The following PPP1CC variants were observed in gnomAD, a reference collection of about 807,000 sequenced individuals.
PPP1CC encodes protein phosphatase 1 catalytic subunit gamma, also known as serine/threonine-protein phosphatase PP1-gamma catalytic subunit.
Under a neutral mutation model 38.4 loss-of-function variants are expected in PPP1CC, and 16 were observed. That is an observed-to-expected ratio of 0.42 (90% CI 0.28 to 0.63). The LOEUF (loss-of-function observed/expected upper bound fraction) is 0.63, where lower values mean the gene tolerates loss of function less well. Among genes scored for constraint, PPP1CC ranks in the 30% least tolerant of loss-of-function variants. PPP1CC has a pLI of 0.25. For missense variants in PPP1CC, 170 were observed against 391.3 expected, an observed-to-expected ratio of 0.43 and a Z score of 4.77; for synonymous variants, 158 against 136.0, an observed-to-expected ratio of 1.16 and a Z score of -1.13.
At position 110,742,687 on chromosome 12, in the gene PPP1CC, G is replaced by A; in HGVS notation, c.21C>T (p.Leu7=). Residue 7 remains leucine (L), a synonymous_variant, in exon 1 of 7, where the codon CTC becomes CTT. Coordinates refer to ENST00000335007, the MANE Select transcript of PPP1CC (RefSeq NM_002710.4). MADLDK[L]NIDSIIQRLL... is the part of the protein sequence containing the mutation. ...GCCGTTGGATAATGCTGTCGATGTT[G>A]AGTTTATCTAAATCCGCCATCGCCT... is the stretch of plus-strand genomic sequence containing the variant. The A allele has an allele frequency of 6.8e-7, 1 of 1,466,954 alleles. No homozygotes were observed. The highest frequency in any genetic ancestry group is 1.4e-5 in the South Asian group (1 of 70,366). The allele number at this position is 1,466,954 out of a possible 1,614,324, so 90.9% of individuals were successfully genotyped here. A position where few individuals can be genotyped will look rare whatever the true frequency, so the allele number is the denominator to read the frequency against.
chr12:110,716,489 A>T (rs1195449469), downstream of PPP1CC, among the ~76,000 whole-genome samples: 1 of 151,838 alleles, frequency 6.6e-6, no homozygotes, highest in Non-Finnish European at 1.5e-5. Context: ...AGTAGCTGGG[A>T]TTACAGGCAT....
At chr12:110,716,410 T>C (rs1566078722), downstream of PPP1CC, among the ~76,000 whole-genome samples, 3 of 152,002 alleles carry the variant, frequency 2.0e-5, no homozygotes, top group Admixed American at 6.6e-5. Context: ...TGGAGTGCAG[T>C]GGCAGAGTCT....
rs756245215 is a variant in PPP1CC, at chr12:110,731,921, A to G, written c.56-20T>C. 1.2e-6 allele frequency: 2 copies of G among 1,610,046 alleles called. No homozygotes were observed. The highest frequency in any genetic ancestry group is 1.7e-6 in the Non-Finnish European group (2 of 1,177,026). ...CTCTCACTGCAAGAGAAAAATCGCA[A>G]TTAGTCCAATGAAGCCAAAATACAA... On this transcript the variant is annotated intron_variant, in intron 1 of 6. Coordinates refer to ENST00000335007, the MANE Select transcript of PPP1CC (RefSeq NM_002710.4).
chr12:110,724,653 C>A lies in PPP1CC; in HGVS notation c.523+7G>T. ...AACCTATTTGGAACAAAAATCAGCC[C>A]ACCTACCTCCATGACAGCAGAATAT... On this transcript the variant is annotated splice_region_variant and intron_variant, in intron 4 of 6. Coordinates refer to ENST00000335007, the MANE Select transcript of PPP1CC (RefSeq NM_002710.4). The A allele has an allele frequency of 6.3e-7, 1 of 1,580,596 alleles. No individual in the cohort carries two copies. Among genetic ancestry groups the A allele is most frequent in the African/African-American group, 1.3e-5 (1 of 74,322 alleles).
chr12:110,719,139 C>T (rs1323237747), downstream of PPP1CC, among the ~76,000 whole-genome samples: 5 of 152,142 alleles, frequency 3.3e-5, no homozygotes, highest in Admixed American at 3.3e-4. Context: ...TTATCATTCA[C>T]TGTTTTCTTC....
downstream of PPP1CC, among the ~76,000 whole-genome samples, chr12:110,714,805 C>CAAAA (rs1164975036): frequency 0.025 from 541 of 22,018 alleles, 38 homozygotes; most frequent in Middle Eastern, 0.029. Flanking sequence ...GACTCTGTCT[C>CAAAA]AAAAAAAAAA....
chr12:110,737,477 C>CAAAAAAAAAAAAAAAAAAAAAAAAAAAA (rs71083137), intron 1 of PPP1CC, among the ~76,000 whole-genome samples: 16 of 42,488 alleles, frequency 3.8e-4, no homozygotes, highest in Non-Finnish European at 5.5e-4. Flanking sequence ...AAGAAAGACT[C>CAAAAAAAAAAAAAAAAAAAAAAAAAAAA]AAAAAAAAAA....
chr12:110,728,328 G>A (rs1038443387), intron 3 of PPP1CC, among the ~76,000 whole-genome samples: 1 of 151,318 alleles, frequency 6.6e-6, no homozygotes, highest in Non-Finnish European at 1.5e-5. Flanking sequence ...GAACCCAGGA[G>A]GCGGAGCTTG....
At chr12:110,735,999 G>A (rs1028883799) in intron 1 of PPP1CC, among the ~76,000 whole-genome samples, 4 of 152,188 alleles carry the variant, frequency 2.6e-5, no homozygotes, top group Admixed American at 2.6e-4. Context: ...CACGGGGCAG[G>A]TTGCAGTGAG....
chr12:110,737,252 T>C (rs1213987035), intron 1 of PPP1CC, among the ~76,000 whole-genome samples: 1 of 149,216 alleles, frequency 6.7e-6, no homozygotes, highest in Non-Finnish European at 1.5e-5. Context: ...CCAAGGTGGG[T>C]GGATCAGCTG....
the PPP1CC span, among the ~76,000 whole-genome samples, chr12:110,712,514 C>T: frequency 3.0e-4 from 45 of 150,794 alleles, no homozygotes; most frequent in African/African-American, 1.1e-3. Context: ...GTGGTGGGTG[C>T]CTGTAATTCC....
chr12:110,724,635 T>G, intron 4 of PPP1CC, 25 bp downstream of exon 4: 1 of 1,440,158 alleles, frequency 6.9e-7, no homozygotes, highest in Non-Finnish European at 9.8e-7. Context: ...CAAAACCTAT[T>G]TGGAACAAAA....
chr12:110,727,947 T>C (rs141917790), intron 3 of PPP1CC, among the ~76,000 whole-genome samples: 207 of 152,336 alleles, frequency 1.4e-3, no homozygotes, highest in African/African-American at 4.4e-3. Flanking sequence ...CTAAGTCATT[T>C]TTTAAAGGCC....
intron 4 of PPP1CC, among the ~76,000 whole-genome samples, chr12:110,724,368 C>G (rs772662848): frequency 4.6e-5 from 7 of 152,264 alleles, no homozygotes; most frequent in Non-Finnish European, 8.8e-5. Context: ...TGTGACCAGA[C>G]TGGGCAACGT....
chr12:110,732,404 A>AAAAGAAAAGG (rs1174554798), intron 1 of PPP1CC: 1 of 158,238 alleles, frequency 6.3e-6, no homozygotes, highest in Admixed American at 6.5e-5. Flanking sequence ...TCAAAAAAAA[A>AAAAGAAAAGG]AAAGAAAAGG....
Position 110,720,269 on chromosome 12 carries a change from C to T in PPP1CC, c.*807G>A, listed in dbSNP as rs1593570811. On this transcript the variant is annotated 3_prime_UTR_variant, in exon 7 of 7. Coordinates refer to ENST00000335007, the MANE Select transcript of PPP1CC (RefSeq NM_002710.4). ...TGTATAAAATGTTATTACCTTTTAT[C>T]GTTAGTAGCTTAAACAGCACTATAT... 17 of 1,365,154 alleles carry T rather than the reference C, an allele frequency of 1.2e-5. No individual in the cohort carries two copies. Among genetic ancestry groups the T allele is most frequent in the Non-Finnish European group, 1.6e-5 (16 of 995,446 alleles). 84.6% of individuals were successfully genotyped at this position (1,365,154 alleles called of 1,614,324 possible).
chr12:110,719,853 C>A lies in PPP1CC; in HGVS notation c.*1223G>T. 5.5e-6 allele frequency: 2 copies of A among 362,370 alleles called. No individual in the cohort carries two copies. The highest frequency in any genetic ancestry group is 7.2e-5 in the South Asian group (1 of 13,936). 22.4% of individuals were successfully genotyped at this position (362,370 alleles called of 1,614,324 possible). A position where few individuals can be genotyped will look rare whatever the true frequency, so the allele number is the denominator to read the frequency against. On this transcript the variant is annotated 3_prime_UTR_variant, in exon 7 of 7. Coordinates refer to ENST00000335007, the MANE Select transcript of PPP1CC (RefSeq NM_002710.4). ...TATTCAGGAAAATCTATTCAATATG[C>A]CATCAACAGTTCTCCTGTGTGTATT...
At chr12:110,718,410 C>T (rs774266365), downstream of PPP1CC, among the ~76,000 whole-genome samples, 2 of 152,150 alleles carry the variant, frequency 1.3e-5, no homozygotes, top group Non-Finnish European at 2.9e-5. Context: ...TAGTATCACA[C>T]TAATAATTAC....
chr12:110,713,083 A>C, the PPP1CC span, among the ~76,000 whole-genome samples: 4 of 152,060 alleles, frequency 2.6e-5, no homozygotes, highest in Non-Finnish European at 5.9e-5. Flanking sequence ...CAAAAAAAGA[A>C]AAAAGAAATG....
Sources: gnomAD v4.1 joint callset for allele counts (sites outside exome capture counted in the v4.1 genomes callset) on GRCh38, gnomAD v4.1.1 for gene constraint, MANE v1.5 for transcripts, NCBI Gene and HGNC (gene_info 2026-07-23, HGNC 2026-07-21) for gene names.